PCDHA6: variants seen among roughly 807,000 people sequenced by gnomAD.
PCDHA6 encodes protocadherin alpha 6.
A neutral mutation model predicts 60.3 loss-of-function variants in PCDHA6; 55 were observed. That is an observed-to-expected ratio of 0.91 (90% CI 0.73 to 1.14). PCDHA6 has a LOEUF of 1.14. PCDHA6 is among the 50% of genes most tolerant of loss of function. The probability of loss-of-function intolerance (pLI) is 0.00; values close to 1 mark genes in which losing one functional copy is unlikely to be tolerated. For synonymous variants in PCDHA6, 652 were observed against 557.9 expected (o/e 1.17, Z -2.38); for missense variants, 1,327 against 1,256.5 (o/e 1.06, Z -0.85).
intron 1 of PCDHA6, among the ~76,000 whole-genome samples, chr5:140,960,911 G>A (rs2095578426): frequency 6.6e-6 from 1 of 152,284 alleles, no homozygotes; most frequent in Non-Finnish European, 1.5e-5. Context: ...TTGAGTTTCA[G>A]ATAGAAAATT....
At chr5:140,922,837 C>T (rs1280492516) in intron 1 of PCDHA6, among the ~76,000 whole-genome samples, 2 of 152,134 alleles carry the variant, frequency 1.3e-5, no homozygotes, top group Non-Finnish European at 2.9e-5. Flanking sequence ...AATAGATGTC[C>T]TCAAAGAGAC....
intron 1 of PCDHA6, among the ~76,000 whole-genome samples, chr5:140,952,645 G>A (rs1396823510): frequency 6.6e-6 from 1 of 152,082 alleles, no homozygotes; most frequent in Non-Finnish European, 1.5e-5. Context: ...ACCTGTGCCT[G>A]GTTACCCAGT....
In PCDHA6 at chr5:140,968,374, C is replaced by T. The variant is rs782537254; in HGVS notation, c.2395-10575C>T. On this transcript the variant is annotated intron_variant, in intron 1 of 3. Coordinates refer to ENST00000529310, the MANE Select transcript of PCDHA6 (RefSeq NM_018909.4). ...GTGGCAGCCTTTATGCTGTCAACTC[C>T]TTTGACTATGAGAAGTTTCGGGAGT... is the stretch of plus-strand genomic sequence containing the variant. 5.0e-6 allele frequency: 8 copies of T among 1,614,064 alleles called. No homozygotes were observed. The Admixed American group carries it at 1.0e-4, about 20-fold the overall frequency.
intron 1 of PCDHA6, among the ~76,000 whole-genome samples, chr5:140,945,576 T>G (rs1383348275): frequency 6.6e-6 from 1 of 152,064 alleles, no homozygotes; most frequent in African/African-American, 2.4e-5. Context: ...ACTACCTGGC[T>G]TCAAAATATA....
At chr5:140,883,904 G>C in intron 1 of PCDHA6, 1 of 1,613,344 alleles carries the variant, frequency 6.2e-7, no homozygotes, top group Non-Finnish European at 8.5e-7. Context: ...GCCGCCTCTG[G>C]GCAGCAACGT....
Position 140,966,822 on chromosome 5 carries a change from C to A in PCDHA6, c.2395-12127C>A, listed in dbSNP as rs1329460642. 9 of 1,558,948 alleles carry A rather than the reference C, an allele frequency of 5.8e-6. No individual in the cohort carries two copies. In the Admixed American group the frequency reaches 7.5e-5, roughly 13 times the overall value. On this transcript the variant is annotated intron_variant, in intron 1 of 3. Transcript: ENST00000529310. ...ACAGAGCATCCACGGCTCCGGCGGC[C>A]CATGCCCTGGCTGCTGCTACTGCCT... is the stretch of plus-strand genomic sequence containing the variant.
At chr5:140,880,521 A>G (rs1166001900) in intron 1 of PCDHA6, among the ~76,000 whole-genome samples, 1 of 152,260 alleles carries the variant, frequency 6.6e-6, no homozygotes, top group Non-Finnish European at 1.5e-5. Context: ...ACATCTCTCA[A>G]TGTGTGAATC....
intron 1 of PCDHA6, among the ~76,000 whole-genome samples, chr5:140,932,345 C>G (rs1332373274): frequency 6.6e-6 from 1 of 151,820 alleles, no homozygotes; most frequent in African/African-American, 2.4e-5. Context: ...AAACACTTAC[C>G]ATACAACTGG....
intron 1 of PCDHA6, among the ~76,000 whole-genome samples, chr5:140,976,181 A>G (rs1334452758): frequency 6.6e-6 from 1 of 152,208 alleles, no homozygotes; most frequent in Non-Finnish European, 1.5e-5. Flanking sequence ...ATTGTTTTAA[A>G]TCAATATCCT....
chr5:140,877,326 G>T (rs781931363), intron 1 of PCDHA6: 1 of 1,613,964 alleles, frequency 6.2e-7, no homozygotes, highest in East Asian at 2.2e-5. Flanking sequence ...CGGTCGGCGC[G>T]CACATCCCGT....
intron 1 of PCDHA6, among the ~76,000 whole-genome samples, chr5:140,900,279 C>A (rs2067883641): frequency 6.6e-6 from 1 of 151,672 alleles, no homozygotes. Flanking sequence ...ATGTACCACA[C>A]TTTCTTTTCT....
chr5:140,872,623 T>C (rs960064096), intron 1 of PCDHA6, among the ~76,000 whole-genome samples: 3 of 152,152 alleles, frequency 2.0e-5, no homozygotes, highest in African/African-American at 4.8e-5. Flanking sequence ...TTGCCTGTTC[T>C]TGATTTTGTT....
At position 140,884,772 on chromosome 5, in the gene PCDHA6, T is replaced by G. The variant is rs563372954; in HGVS notation, c.2394+54287T>G. 1.9e-5 allele frequency: 27 copies of G among 1,409,818 alleles called. No homozygotes were observed. In the African/African-American group the frequency reaches 3.6e-4, roughly 19 times the overall value. The allele number at this position is 1,409,818 out of a possible 1,614,324, so 87.3% of individuals were successfully genotyped here. On this transcript the variant is annotated intron_variant, in intron 1 of 3. Transcript: ENST00000529310. Reference sequence around the variant, plus strand: ...TTCAAATTATTCTTTACTTTAATTTTAATTTTGCTAGTTGTTATCGAATTT... The same window carrying G: ...TTCAAATTATTCTTTACTTTAATTTGAATTTTGCTAGTTGTTATCGAATTT...
At chr5:140,909,169 A>G (rs545864609) in intron 1 of PCDHA6, among the ~76,000 whole-genome samples, 1 of 152,356 alleles carries the variant, frequency 6.6e-6, no homozygotes, top group African/African-American at 2.4e-5. Context: ...AAATCAATCA[A>G]GTTCTCTCCA....
At position 140,941,202 on chromosome 5, in the gene PCDHA6, C is replaced by CCCTTCTTTCTTTCTTT. The variant is rs2092811279; in HGVS notation, c.2395-37746_2395-37745insCTTCTTTCTTTCTTTC. Among the ~76,000 whole-genome samples, 5 of 122,742 alleles carry CCCTTCTTTCTTTCTTT rather than the reference C, an allele frequency of 4.1e-5. No homozygotes were observed. The East Asian group carries it at 1.1e-3, about 27-fold the overall frequency. 80.5% of individuals were successfully genotyped at this position (122,742 alleles called of 152,430 possible). On this transcript the variant is annotated intron_variant, in intron 1 of 3. Transcript: ENST00000529310. ...TCCTGCTTCTTTTTTTTTCTTTCTTCCTTTCTTTCTTCCTTTCTTTCTTTC... is the reference window on the plus strand; with the variant it reads ...TCCTGCTTCTTTTTTTTTCTTTCTTCCCTTCTTTCTTTCTTTCTTTCTTTCTTCCTTTCTTTCTTTC...
intron 1 of PCDHA6, among the ~76,000 whole-genome samples, chr5:140,961,356 CA>C (rs1164957121): frequency 1.3e-5 from 2 of 152,168 alleles, no homozygotes; most frequent in Non-Finnish European, 2.9e-5. Context: ...CTGTAGTCCC[CA>C]TTAGAATTCT....
In PCDHA6 at chr5:140,843,275, A is replaced by T. The variant is rs1225687958; in HGVS notation, c.2394+12790A>T. 5 of 1,595,844 alleles carry T rather than the reference A, an allele frequency of 3.1e-6. No individual in the cohort carries two copies. In the Admixed American group the frequency reaches 5.1e-5, roughly 16 times the overall value. On this transcript the variant is annotated intron_variant, in intron 1 of 3. Coordinates refer to ENST00000529310, the MANE Select transcript of PCDHA6 (RefSeq NM_018909.4). ...GCGCCACCGTCTGCTGGTCCTGGTGAAGGATCATGGTGAACCTGCGCTGAC... is the reference window on the plus strand; with the variant it reads ...GCGCCACCGTCTGCTGGTCCTGGTGTAGGATCATGGTGAACCTGCGCTGAC...
chr5:140,854,040 T>A, intron 1 of PCDHA6: 1 of 281,106 alleles, frequency 3.6e-6, no homozygotes, highest in Non-Finnish European at 5.5e-6. Flanking sequence ...CACACATCTC[T>A]AGTCCCAATT....
intron 1 of PCDHA6, among the ~76,000 whole-genome samples, chr5:140,934,476 AATTAT>A (rs2089852464): frequency 6.6e-6 from 1 of 152,124 alleles, no homozygotes. Flanking sequence ...TTATTTTGAA[AATTAT>A]ATTCACCTCA....
Sources: gnomAD v4.1 joint callset for allele counts (sites outside exome capture counted in the v4.1 genomes callset) on GRCh38, gnomAD v4.1.1 for gene constraint, MANE v1.5 for transcripts, NCBI Gene and HGNC (gene_info 2026-07-23, HGNC 2026-07-21) for gene names.